Variants in CLIP2 observed in about 807,000 individuals in gnomAD.
CLIP2 encodes the protein CAP-Gly domain-containing linker protein 2.
Under a neutral mutation model 111.7 loss-of-function variants are expected in CLIP2, and 41 were observed. The ratio of observed to expected loss-of-function variants is 0.37; its 90% confidence interval spans 0.29 to 0.48. The LOEUF (loss-of-function observed/expected upper bound fraction) is 0.48, where lower values mean the gene tolerates loss of function less well. Ranked by LOEUF, CLIP2 falls within the 20% of genes least tolerant of loss-of-function variation. The pLI is 0.99. For missense variants in CLIP2, 1,160 were observed against 1,422.1 expected (o/e 0.82, Z 2.96); for synonymous variants, 660 against 644.2 (o/e 1.02, Z -0.37).
At chr7:74,339,816 A>C (rs1171551436) in intron 3 of CLIP2, among the ~76,000 whole-genome samples, 1 of 151,918 alleles carries the variant, frequency 6.6e-6, no homozygotes, top group East Asian at 1.9e-4. Flanking sequence ...GGCCAGGCAC[A>C]GTGGTTCGTG....
rs1009567778 is a variant in CLIP2, at chr7:74,356,398, C to G, written c.804-12C>G. On this transcript the variant is annotated splice_polypyrimidine_tract_variant and intron_variant, in intron 4 of 16. Transcript: ENST00000223398. ...GCCGTGACAGCAGCTTGGGTCTCTC[C>G]TGCTTCCACAGGTACTTCCAGTGCC... 12 of 1,613,676 alleles carry G rather than the reference C, an allele frequency of 7.4e-6. No homozygotes were observed. Among genetic ancestry groups the G allele is most frequent in the Middle Eastern group, 1.6e-4 (1 of 6,062 alleles).
rs782104666 is a variant in CLIP2 at position 74,376,407 on chromosome 7, C to T, written c.2006C>T (p.Ala669Val). 1.9e-6 allele frequency: 3 copies of T among 1,613,992 alleles called. No individual in the cohort carries two copies. Among genetic ancestry groups the T allele is most frequent in the Non-Finnish European group, 2.5e-6 (3 of 1,180,014 alleles). Residue 669 changes from alanine (A) to valine (V), a missense_variant, in exon 10 of 17, where the codon GCC becomes GTC. Ala to Val is a moderately conservative substitution (Grantham distance 64). This residue lies in a region of CLIP2 where 676 missense variants were observed against 777.8 expected (regional missense o/e 0.87). Transcript: ENST00000223398. The surrounding 1 kb of genome is among the most constrained non-coding windows in gnomAD (Gnocchi z 7.1). The part of the protein sequence containing the change: ...EHQLELGNLQ[A>V]KHDLETAMHV... ...CAGCTGGAGCTGGGTAACTTGCAGG[C>T]CAAGCATGACCTGGAGACCGCCATG...
At position 74,316,394 on chromosome 7, in the gene CLIP2, G is replaced by A. The variant is rs189953512; in HGVS notation, c.-67-1086G>A. Among the ~76,000 whole-genome samples the A allele has an allele frequency of 2.8e-3, 432 of 151,948 alleles. 3 individuals are homozygous for A. The highest frequency in any genetic ancestry group is 2.1e-3 in the South Asian group (10 of 4,808). ...CAAGTAGCTGGGACTACAGGCATGCGCCACCACGCCTGGCTAATTTTTTAT... is the reference window on the plus strand; with the variant it reads ...CAAGTAGCTGGGACTACAGGCATGCACCACCACGCCTGGCTAATTTTTTAT... On this transcript the variant is annotated intron_variant, in intron 1 of 16. Coordinates refer to ENST00000223398, the MANE Select transcript of CLIP2 (RefSeq NM_003388.5).
intron 1 of CLIP2, among the ~76,000 whole-genome samples, chr7:74,307,675 T>G (rs1223925572): frequency 2.0e-5 from 3 of 152,092 alleles, no homozygotes; most frequent in Non-Finnish European, 2.9e-5. Flanking sequence ...GTATTTTTAG[T>G]AGAGACAGGG....
At chr7:74,296,009 A>AG (rs1788159681) in intron 1 of CLIP2, among the ~76,000 whole-genome samples, 1 of 150,448 alleles carries the variant, frequency 6.6e-6, no homozygotes, top group East Asian at 2.0e-4. Context: ...AAAAAAAAAA[A>AG]GCGTTTTTAT....
At chr7:74,327,786 G>A (rs1181072611) in intron 2 of CLIP2, among the ~76,000 whole-genome samples, 3 of 152,162 alleles carry the variant, frequency 2.0e-5, no homozygotes, top group Non-Finnish European at 4.4e-5. Context: ...CTGACGGGGC[G>A]GGGGTCCGGC....
chr7:74,359,144 T>G (rs1439259661), intron 6 of CLIP2, among the ~76,000 whole-genome samples: 1 of 151,114 alleles, frequency 6.6e-6, no homozygotes, highest in Non-Finnish European at 1.5e-5. Context: ...AATTTTTGTA[T>G]TTTTAGTAGA....
intron 2 of CLIP2, among the ~76,000 whole-genome samples, chr7:74,328,768 A>G (rs1239230989): frequency 6.6e-6 from 1 of 151,384 alleles, no homozygotes; most frequent in Non-Finnish European, 1.5e-5. Context: ...CTTTTCTTTT[A>G]TTTCTTTTGA....
chr7:74,380,134 A>T (rs1790901810), intron 10 of CLIP2: 1 of 152,002 alleles, frequency 6.6e-6, no homozygotes, highest in Non-Finnish European at 1.5e-5. Context: ...CCTGATCTGC[A>T]GTGCCAGACT....
chr7:74,332,786 G>A lies in CLIP2; in HGVS notation c.122-5662G>A, dbSNP rs145644181. ...TTCCTTCCTCAGTTACGCACATGGCGTGGCAAGCTGAATTGTAGTTGCTGG... is the reference window on the plus strand; with the variant it reads ...TTCCTTCCTCAGTTACGCACATGGCATGGCAAGCTGAATTGTAGTTGCTGG... On this transcript the variant is annotated intron_variant, in intron 2 of 16. Coordinates refer to ENST00000223398, the MANE Select transcript of CLIP2 (RefSeq NM_003388.5). Among the ~76,000 whole-genome samples, 306 of 152,258 alleles carry A rather than the reference G, an allele frequency of 2.0e-3. 1 individual carries two copies. Among genetic ancestry groups the A allele is most frequent in the African/African-American group, 4.1e-3 (170 of 41,560 alleles).
chr7:74,325,254 C>G (rs1789077849), intron 2 of CLIP2, among the ~76,000 whole-genome samples: 1 of 152,164 alleles, frequency 6.6e-6, no homozygotes, highest in Non-Finnish European at 1.5e-5. Flanking sequence ...GAGAGGGTCT[C>G]TCACGCTAGG....
intron 6 of CLIP2, among the ~76,000 whole-genome samples, chr7:74,359,350 C>CTT (rs55946789): frequency 6.5e-4 from 60 of 91,826 alleles, no homozygotes; most frequent in East Asian, 2.3e-3. Context: ...TTTCAGGTTT[C>CTT]TTTTTTTTTT....
intron 6 of CLIP2, 60 bp downstream of exon 6, chr7:74,357,537 C>G: frequency 6.6e-7 from 1 of 1,509,058 alleles, no homozygotes; most frequent in Non-Finnish European, 9.0e-7. Context: ...GAGTCTCACC[C>G]ACTCAGAGCG....
At chr7:74,357,716 A>AT (rs1227168990) in intron 6 of CLIP2, among the ~76,000 whole-genome samples, 6 of 151,772 alleles carry the variant, frequency 4.0e-5, no homozygotes, top group Admixed American at 6.6e-5. Flanking sequence ...ACAAGCTTGT[A>AT]TATCCTGCTT....
chr7:74,383,413 A>C (rs1791000188), intron 11 of CLIP2, among the ~76,000 whole-genome samples: 1 of 152,170 alleles, frequency 6.6e-6, no homozygotes, highest in Admixed American at 6.6e-5. Context: ...TTCATGTGCC[A>C]ATTCTATAAT....
At chr7:74,400,962 G>A (rs1260297065) in intron 15 of CLIP2, among the ~76,000 whole-genome samples, 10 of 151,920 alleles carry the variant, frequency 6.6e-5, no homozygotes, top group Admixed American at 5.9e-4. Context: ...GTCTGAAGGG[G>A]GAGGCATTTC....
chr7:74,311,907 A>G (rs571648371), intron 1 of CLIP2, among the ~76,000 whole-genome samples: 7 of 141,708 alleles, frequency 4.9e-5, no homozygotes, highest in Admixed American at 3.7e-4. Flanking sequence ...GCAAGACCAC[A>G]TCTCAAGAAT....
At chr7:74,342,273 G>C (rs782689729) in intron 3 of CLIP2, among the ~76,000 whole-genome samples, 13 of 152,170 alleles carry the variant, frequency 8.5e-5, no homozygotes, top group Non-Finnish European at 1.9e-4. Context: ...CTACTCGGGA[G>C]GTTGAGGCAG....
chr7:74,365,076 G>A (rs1341087571), intron 8 of CLIP2, among the ~76,000 whole-genome samples: 2 of 148,240 alleles, frequency 1.3e-5, no homozygotes, highest in Non-Finnish European at 3.0e-5. Flanking sequence ...AAGAATGGAT[G>A]TTGGGGCACA....
Sources: gnomAD v4.1 joint callset for allele counts (sites outside exome capture counted in the v4.1 genomes callset) on GRCh38, gnomAD v4.1.1 for gene constraint, gnomAD v4.1.1 regional missense constraint, Gnocchi (gnomAD v3.1) non-coding constraint, MANE v1.5 for transcripts, NCBI Gene and HGNC (gene_info 2026-07-23, HGNC 2026-07-21) for gene names.